The following ATP8A2 variants were observed in gnomAD, a reference collection of about 807,000 sequenced individuals.
ATP8A2 encodes the protein phospholipid-transporting ATPase IB.
Under a neutral mutation model 165.6 loss-of-function variants are expected in ATP8A2, and 100 were observed. The ratio of observed to expected loss-of-function variants is 0.60; its 90% CI spans 0.51 to 0.71. The LOEUF (loss-of-function observed/expected upper bound fraction) is 0.71. ATP8A2 is among the 30% of genes least tolerant of loss of function. The pLI is 0.00. For synonymous variants in ATP8A2, 543 were observed against 548.8 expected, an observed-to-expected ratio of 0.99 and a Z score of 0.15; for missense variants, 1,227 against 1,479.5, an observed-to-expected ratio of 0.83 and a Z score of 2.80.
At chr13:25,862,441 T>A in intron 33 of ATP8A2, 33 bp downstream of exon 33, 1 of 1,531,068 alleles carries the variant, frequency 6.5e-7, no homozygotes, top group Admixed American at 1.7e-5. Flanking sequence ...GTGTCTTCTG[T>A]GTCTTGTGAC....
intron 26 of ATP8A2, among the ~76,000 whole-genome samples, chr13:25,774,581 A>G (rs2044698745): frequency 6.6e-6 from 1 of 152,240 alleles, no homozygotes; most frequent in Non-Finnish European, 1.5e-5. Context: ...ACAAAAAAGC[A>G]TTTGTTTAAA....
chr13:25,657,885 A>G (rs2041968511), intron 24 of ATP8A2, among the ~76,000 whole-genome samples: 1 of 152,232 alleles, frequency 6.6e-6, no homozygotes, highest in South Asian at 2.1e-4. Context: ...GCAGATTGTC[A>G]TTCTGCAAAA....
At chr13:25,412,434 T>G (rs1485525951) in intron 1 of ATP8A2, among the ~76,000 whole-genome samples, 2 of 152,234 alleles carry the variant, frequency 1.3e-5, no homozygotes, top group Non-Finnish European at 2.9e-5. Flanking sequence ...GGCACGCATC[T>G]GATTGTTTGG....
chr13:25,492,126 G>A (rs1033844178), intron 2 of ATP8A2, among the ~76,000 whole-genome samples: 3 of 151,950 alleles, frequency 2.0e-5, no homozygotes, highest in Admixed American at 6.6e-5. Context: ...TTGTGATTTC[G>A]GCTCACTGCA....
At chr13:25,530,499 T>G in intron 3 of ATP8A2, 63 bp from the exon 4 acceptor site, 1 of 959,414 alleles carries the variant, frequency 1.0e-6, no homozygotes, top group Non-Finnish European at 1.6e-6. Flanking sequence ...CTGCCGTAAT[T>G]TTCTGTTCAT....
chr13:26,002,355 G>A (rs374437077), intron 35 of ATP8A2, among the ~76,000 whole-genome samples: 3 of 150,156 alleles, frequency 2.0e-5, no homozygotes, highest in East Asian at 2.0e-4. Flanking sequence ...TCATAGGTGG[G>A]AACTGAACAG....
chr13:25,469,215 C>T, intron 2 of ATP8A2, 94 bp downstream of exon 2: 1 of 1,461,066 alleles, frequency 6.8e-7, no homozygotes, highest in Non-Finnish European at 9.2e-7. Flanking sequence ...CGCACCTGGC[C>T]GGCCCCCGTC....
intron 2 of ATP8A2, among the ~76,000 whole-genome samples, chr13:25,499,237 G>A (rs1157461451): frequency 6.6e-6 from 1 of 152,180 alleles, no homozygotes; most frequent in Non-Finnish European, 1.5e-5. Flanking sequence ...CTTGGCAAAG[G>A]TGAATGTGTT....
At position 25,532,163 on chromosome 13, in the gene ATP8A2, G is replaced by A. The variant is rs188604069; in HGVS notation, c.421-109G>A. The A allele has an allele frequency of 3.7e-4, 306 of 817,562 alleles. 6 individuals carry two copies. In the Middle Eastern group the frequency reaches 4.4e-3, roughly 12 times the overall value. The allele number at this position is 817,562 out of a possible 1,614,324, so 50.6% of individuals were successfully genotyped here. Reference sequence around the variant, plus strand: ...TGAATTTTACAGCATGAGCATTATTGGCATTTAGTTTCCTTGTCCCCTGTA... The same window carrying A: ...TGAATTTTACAGCATGAGCATTATTAGCATTTAGTTTCCTTGTCCCCTGTA... On this transcript the variant is annotated intron_variant, in intron 4 of 36. Transcript: ENST00000381655.
At chr13:25,416,790 A>T (rs117360780) in intron 1 of ATP8A2, among the ~76,000 whole-genome samples, 148 of 152,346 alleles carry the variant, frequency 9.7e-4, no homozygotes, top group Non-Finnish European at 1.8e-3. Context: ...AATATTTATG[A>T]TTAGCCTCTG....
intron 27 of ATP8A2, among the ~76,000 whole-genome samples, chr13:25,827,528 T>C (rs1478994653): frequency 6.6e-6 from 1 of 152,246 alleles, no homozygotes; most frequent in Non-Finnish European, 1.5e-5. Context: ...CTTGAAGGCA[T>C]GAATAACAGC....
At chr13:25,605,754 G>A (rs2040500287) in intron 24 of ATP8A2, among the ~76,000 whole-genome samples, 1 of 152,118 alleles carries the variant, frequency 6.6e-6, no homozygotes, top group Admixed American at 6.5e-5. Context: ...ATAACATTTT[G>A]TATATTTCTG....
chr13:25,549,806 CTT>C (rs1173611224), intron 10 of ATP8A2, among the ~76,000 whole-genome samples: 1 of 152,088 alleles, frequency 6.6e-6, no homozygotes, highest in African/African-American at 2.4e-5. Context: ...GTTGGCTGCT[CTT>C]TTCTGCAGGC....
intron 27 of ATP8A2, among the ~76,000 whole-genome samples, chr13:25,785,187 T>TC (rs1593342524): frequency 6.6e-6 from 1 of 151,174 alleles, no homozygotes; most frequent in East Asian, 2.0e-4. Context: ...TCACCTGAGG[T>TC]CAGGAGTTCA....
At chr13:25,482,097 C>A (rs1225783982) in intron 2 of ATP8A2, among the ~76,000 whole-genome samples, 1 of 152,068 alleles carries the variant, frequency 6.6e-6, no homozygotes, top group Non-Finnish European at 1.5e-5. Flanking sequence ...AATAAATGTT[C>A]CTGAAGCTTA....
At chr13:25,680,134 A>G (rs1206201235) in intron 24 of ATP8A2, among the ~76,000 whole-genome samples, 2 of 152,150 alleles carry the variant, frequency 1.3e-5, no homozygotes, top group Non-Finnish European at 2.9e-5. Context: ...CCTTGAAAAG[A>G]TACGTTGAGT....
chr13:25,623,863 GATATATGCATATACCT>G (rs2041036090), intron 24 of ATP8A2, among the ~76,000 whole-genome samples: 1 of 151,906 alleles, frequency 6.6e-6, no homozygotes, highest in South Asian at 2.1e-4. Context: ...ATTATGCATA[GATATATGCATATACCT>G]ATATATGCAT....
At chr13:25,863,391 T>A (rs1291217535) in intron 33 of ATP8A2, 1 of 152,244 alleles carries the variant, frequency 6.6e-6, no homozygotes, top group Admixed American at 6.5e-5. Flanking sequence ...TCTAGGCCAG[T>A]GTGCACACTG....
At chr13:25,467,556 GT>G (rs543308826) in intron 1 of ATP8A2, among the ~76,000 whole-genome samples, 3,156 of 143,550 alleles carry the variant, frequency 0.022, 104 homozygotes, top group African/African-American at 0.074. Context: ...TAAGATGTCA[GT>G]TTTTTTTTTT....
Sources: allele counts gnomAD v4.1 joint callset (sites outside exome capture counted in the v4.1 genomes callset), GRCh38; gene constraint gnomAD v4.1.1; transcripts MANE v1.5; gene names NCBI Gene and HGNC (gene_info 2026-07-23, HGNC 2026-07-21).